DSCAM: variants seen among roughly 807,000 people sequenced by gnomAD.
The protein encoded by DSCAM is cell adhesion molecule DSCAM.
DSCAM carries 47 observed loss-of-function variants against 217.7 expected under a neutral mutation model. That is an observed-to-expected ratio of 0.22 (90% CI 0.17 to 0.28). DSCAM has a LOEUF of 0.28. DSCAM is among the 10% of genes least tolerant of loss of function. DSCAM has a pLI of 1.00. For synonymous variants in DSCAM, 1,056 were observed against 1,015.3 expected, an observed-to-expected ratio of 1.04 and a Z score of -0.76; for missense variants, 2,080 against 2,618.3, an observed-to-expected ratio of 0.79 and a Z score of 4.49.
intron 1 of DSCAM, among the ~76,000 whole-genome samples, chr21:40,795,204 C>T (rs2091681314): frequency 1.3e-5 from 2 of 152,224 alleles, no homozygotes; most frequent in African/African-American, 4.8e-5. Flanking sequence ...GACTGATAAT[C>T]TTCAGAGCTA....
intron 3 of DSCAM, among the ~76,000 whole-genome samples, chr21:40,555,352 T>C (rs116618714): frequency 6.6e-6 from 1 of 152,114 alleles, no homozygotes; most frequent in Non-Finnish European, 1.5e-5. Context: ...GATAGTAACA[T>C]CCAAAGAAAA....
chr21:40,174,786 G>T (rs2090705041), intron 15 of DSCAM, among the ~76,000 whole-genome samples: 2 of 152,060 alleles, frequency 1.3e-5, no homozygotes, highest in Non-Finnish European at 2.9e-5. Context: ...AATTAACATC[G>T]AATTTAAAAG....
chr21:40,129,452 G>A (rs542368284), intron 19 of DSCAM, among the ~76,000 whole-genome samples: 1 of 152,122 alleles, frequency 6.6e-6, no homozygotes. Flanking sequence ...GTGGAAGTGG[G>A]GTGGCTCTTG....
intron 3 of DSCAM, among the ~76,000 whole-genome samples, chr21:40,502,167 T>C (rs1038772806): frequency 1.3e-5 from 2 of 152,206 alleles, no homozygotes; most frequent in African/African-American, 4.8e-5. Flanking sequence ...GTAGTATTAG[T>C]ACTGTGACTT....
intron 9 of DSCAM, among the ~76,000 whole-genome samples, chr21:40,299,546 A>C (rs2073991382): frequency 6.6e-6 from 1 of 152,154 alleles, no homozygotes; most frequent in Non-Finnish European, 1.5e-5. Context: ...GAAAAGTAGT[A>C]ATAAGTTTCT....
chr21:40,622,205 ACC>A (rs1179865914), intron 3 of DSCAM, among the ~76,000 whole-genome samples: 1 of 151,880 alleles, frequency 6.6e-6, no homozygotes, highest in African/African-American at 2.4e-5. Context: ...CCTTCACCTG[ACC>A]CCTGAAGTCA....
chr21:40,353,652 G>C lies in DSCAM; in HGVS notation c.747C>G (p.Leu249=), dbSNP rs41367350. Residue 249 remains leucine, a synonymous_variant, in exon 5 of 33, where the codon CTC becomes CTG. Transcript: ENST00000400454. ...AGCGGTAATCTGGCTCAGGGTGCCC[G>C]AGCGCTTTGCAAGGCAGCTCCACAC... ...GQRVELPCKA[L]GHPEPDYRWL... The C allele has an allele frequency of 4.3e-6, 7 of 1,611,590 alleles. No individual in the cohort carries two copies. The highest frequency in any genetic ancestry group is 3.4e-5 in the Admixed American group (2 of 59,074).
chr21:40,318,849 G>T (rs1026715722), intron 8 of DSCAM, among the ~76,000 whole-genome samples: 9 of 152,092 alleles, frequency 5.9e-5, no homozygotes, highest in Non-Finnish European at 1.2e-4. Context: ...TCCCCGCGGG[G>T]TTCAATATGA....
rs193193646 is a variant in DSCAM at position 40,164,956 on chromosome 21, T to C, written c.3018+2262A>G. Among the ~76,000 whole-genome samples, 4 of 152,332 alleles carry C rather than the reference T, an allele frequency of 2.6e-5. No individual in the cohort carries two copies. The East Asian group carries it at 7.7e-4, about 29-fold the overall frequency. On this transcript the variant is annotated intron_variant, in intron 16 of 32. Transcript: ENST00000400454. The stretch of plus-strand genomic sequence containing the variant: ...ACAGAAAGGCCACCAAAGTGCCCCT[T>C]ACCTTTCAAAGGCTTAGAGTCTAAA...
intron 20 of DSCAM, among the ~76,000 whole-genome samples, chr21:40,099,248 C>T (rs1361160073): frequency 1.3e-5 from 2 of 152,132 alleles, no homozygotes; most frequent in Admixed American, 1.3e-4. Flanking sequence ...TTAATTTTTG[C>T]CTGTAACATA....
chr21:40,516,931 T>C (rs1345255421), intron 3 of DSCAM, among the ~76,000 whole-genome samples: 2 of 148,390 alleles, frequency 1.3e-5, no homozygotes, highest in African/African-American at 4.9e-5. Context: ...ATACCTTATA[T>C]ATTTATATAT....
At chr21:40,579,806 G>T (rs2076888933) in intron 3 of DSCAM, among the ~76,000 whole-genome samples, 1 of 150,500 alleles carries the variant, frequency 6.6e-6, no homozygotes, top group Admixed American at 6.7e-5. Flanking sequence ...ATAAAAGAAT[G>T]TACTACTATC....
Position 40,078,694 on chromosome 21 carries a change from G to A in DSCAM, c.4704C>T (p.Tyr1568=), listed in dbSNP as rs773791978. The part of the protein sequence containing the change: ...EKQANFATLN[Y]DGSTIPPLIK... ...CAAAGCCAGCCAGCTTACTGCCATC[G>A]TAGTTCAGCGTAGCGAAGTTGGCCT... Residue 1568 remains tyrosine, a synonymous_variant, in exon 26 of 33, where the codon TAC becomes TAT. Coordinates refer to ENST00000400454, the MANE Select transcript of DSCAM (RefSeq NM_001389.5). The A allele has an allele frequency of 6.0e-5, 97 of 1,612,796 alleles. No homozygotes were observed. The highest frequency in any genetic ancestry group is 1.7e-4 in the Middle Eastern group (1 of 6,010).
intron 3 of DSCAM, among the ~76,000 whole-genome samples, chr21:40,605,136 G>A (rs1372697478): frequency 6.6e-6 from 1 of 152,170 alleles, no homozygotes; most frequent in Non-Finnish European, 1.5e-5. Context: ...CAAGAAAGCT[G>A]TAGGGGCTCC....
chr21:40,252,752 A>G (rs957090357), intron 11 of DSCAM, among the ~76,000 whole-genome samples: 5 of 152,144 alleles, frequency 3.3e-5, no homozygotes, highest in African/African-American at 1.2e-4. Flanking sequence ...AACTTTTTTC[A>G]AGACTATGGG....
Position 40,748,678 on chromosome 21 carries a change from G to T in DSCAM, c.44-39907C>A, listed in dbSNP as rs374734126. Among the ~76,000 whole-genome samples the T allele has an allele frequency of 7.9e-4, 120 of 152,066 alleles. 3 individuals carry two copies. The South Asian group carries it at 0.023, about 30-fold the overall frequency. On this transcript the variant is annotated intron_variant, in intron 1 of 32. Transcript: ENST00000400454. The stretch of plus-strand genomic sequence containing the variant: ...ATCCAAAGTGATCTACAGATTTAAT[G>T]CAATCTCTATAATAAAAATCTCAAT...
chr21:40,253,225 G>C (rs1373987663), intron 11 of DSCAM, among the ~76,000 whole-genome samples: 3 of 152,152 alleles, frequency 2.0e-5, no homozygotes, highest in Non-Finnish European at 4.4e-5. Context: ...GCATTGGGGA[G>C]CATCGTGGGA....
At chr21:40,676,857 T>C (rs2090345801) in intron 3 of DSCAM, among the ~76,000 whole-genome samples, 1 of 152,196 alleles carries the variant, frequency 6.6e-6, no homozygotes, top group African/African-American at 2.4e-5. Context: ...ATTACTTCGC[T>C]TGGAAATCAG....
chr21:40,066,031 A>G (rs889742888), intron 27 of DSCAM, among the ~76,000 whole-genome samples: 1 of 152,186 alleles, frequency 6.6e-6, no homozygotes, highest in African/African-American at 2.4e-5. Context: ...AAAGCCCTCC[A>G]TCGTCCCCAC....
Sources: gnomAD v4.1 joint callset for allele counts (sites outside exome capture counted in the v4.1 genomes callset) on GRCh38, gnomAD v4.1.1 for gene constraint, MANE v1.5 for transcripts, NCBI Gene and HGNC (gene_info 2026-07-23, HGNC 2026-07-21) for gene names.